PHF20: variants seen among roughly 807,000 people sequenced by gnomAD.
PHF20 encodes the protein glioma-expressed antigen 2.
PHF20 carries 23 observed loss-of-function variants against 113.5 expected under a neutral mutation model. The observed-to-expected ratio is 0.20, with a 90% CI of 0.15 to 0.29. The LOEUF (loss-of-function observed/expected upper bound fraction) is 0.29. Among genes scored for constraint, PHF20 ranks in the 10% least tolerant of loss-of-function variants. The pLI is 1.00. For missense variants in PHF20, 943 were observed against 1,219.6 expected, an observed-to-expected ratio of 0.77 and a Z score of 3.38; for synonymous variants, 434 against 457.3, an observed-to-expected ratio of 0.95 and a Z score of 0.65.
At chr20:35,834,221 G>A (rs2146924917) in intron 2 of PHF20, among the ~76,000 whole-genome samples, 1 of 151,210 alleles carries the variant, frequency 6.6e-6, no homozygotes, top group East Asian at 1.9e-4. Context: ...TGGGATATAG[G>A]CAGGCTGGTT....
intron 1 of PHF20, among the ~76,000 whole-genome samples, chr20:35,797,379 T>C (rs990012329): frequency 6.6e-6 from 1 of 151,340 alleles, no homozygotes; most frequent in Non-Finnish European, 1.5e-5. Flanking sequence ...TGGGCAGTAG[T>C]GGCATATGCC....
chr20:35,927,873 C>A lies in PHF20; in HGVS notation c.2098C>A (p.Pro700Thr). The stretch of plus-strand genomic sequence containing the variant: ...ATACACCTGTTATGTTTGCCAAGAC[C>A]CTCCAGGTAGAGATTTCTGGAGTCA... ...EKYTCYVCQD[P>T]PGQRPGFKYW... Residue 700 changes from proline (P) to threonine (T), a missense_variant, in exon 14 of 18, where the codon CCT becomes ACT. Physicochemically the swap from Pro to Thr is conservative, Grantham distance 38 (BLOSUM62 -1). Coordinates refer to ENST00000374012, the MANE Select transcript of PHF20 (RefSeq NM_016436.5). 6.2e-7 allele frequency: 1 copy of A among 1,609,768 alleles called. No individual in the cohort carries two copies. Among genetic ancestry groups the A allele is most frequent in the Non-Finnish European group, 8.5e-7 (1 of 1,176,052 alleles).
chr20:35,789,466 A>G (rs2041494361), intron 1 of PHF20, among the ~76,000 whole-genome samples: 2 of 151,980 alleles, frequency 1.3e-5, no homozygotes, highest in African/African-American at 2.4e-5. Context: ...TGTTTATACA[A>G]AGGCCCTGGA....
chr20:35,790,827 T>G (rs1396548700), intron 1 of PHF20, among the ~76,000 whole-genome samples: 1 of 152,150 alleles, frequency 6.6e-6, no homozygotes, highest in Non-Finnish European at 1.5e-5. Context: ...AATATGGTTC[T>G]GTAGGGGAGC....
Position 35,938,889 on chromosome 20 carries a change from G to C in PHF20, c.2493G>C (p.Glu831Asp). Reference protein sequence around the residue: ...PLALPLPRSVEESYITSEHCY... With the variant: ...PLALPLPRSVDESYITSEHCY... Reference sequence around the variant, plus strand: ...CCCTGCCCCTGCCGCGTTCTGTGGAGGAATCCTATATCACCAGTGAGCATT... The same window carrying C: ...CCCTGCCCCTGCCGCGTTCTGTGGACGAATCCTATATCACCAGTGAGCATT... Residue 831 changes from glutamate to aspartate, a missense_variant, in exon 16 of 18, where the codon GAG becomes GAC. Glu to Asp is a conservative substitution (Grantham distance 45, BLOSUM62 2). This residue lies in a region of PHF20 where 349 missense variants were observed against 412.3 expected (regional missense o/e 0.85). Transcript: ENST00000374012. 6.2e-7 allele frequency: 1 copy of C among 1,614,198 alleles called. No individual in the cohort carries two copies. The highest frequency in any genetic ancestry group is 8.5e-7 in the Non-Finnish European group (1 of 1,180,018).
rs6119669 is a variant in PHF20, at chr20:35,879,547, T to C, written c.1282+7718T>C. On this transcript the variant is annotated intron_variant, in intron 9 of 17. Coordinates refer to ENST00000374012, the MANE Select transcript of PHF20 (RefSeq NM_016436.5). ...CTGAACAAATTACCTACAGTAGTTT[T>C]GATTAATGACCTAAGAGCAAGCTGG... Among the ~76,000 whole-genome samples the C allele has an allele frequency of 5.8e-3, 880 of 152,232 alleles. 9 individuals carry two copies. Among genetic ancestry groups the C allele is most frequent in the African/African-American group, 0.02 (827 of 41,552 alleles).
chr20:35,796,628 A>C (rs964782441), intron 1 of PHF20, among the ~76,000 whole-genome samples: 1 of 152,190 alleles, frequency 6.6e-6, no homozygotes, highest in African/African-American at 2.4e-5. Flanking sequence ...TCTGCTTGTT[A>C]TATAATGGTG....
At chr20:35,775,600 A>G (rs2146820995) in intron 1 of PHF20, among the ~76,000 whole-genome samples, 1 of 152,060 alleles carries the variant, frequency 6.6e-6, no homozygotes, top group Non-Finnish European at 1.5e-5. Flanking sequence ...CTAAAAATAG[A>G]AAAATTACCT....
intron 9 of PHF20, among the ~76,000 whole-genome samples, chr20:35,872,394 G>A (rs2054438207): frequency 6.6e-6 from 1 of 152,000 alleles, no homozygotes; most frequent in African/African-American, 2.4e-5. Flanking sequence ...ATGGTGGCAG[G>A]CACCTGTAGT....
intron 2 of PHF20, among the ~76,000 whole-genome samples, chr20:35,830,433 G>A (rs933676749): frequency 6.6e-6 from 1 of 152,186 alleles, no homozygotes; most frequent in Non-Finnish European, 1.5e-5. Flanking sequence ...ATGTATTAGA[G>A]TTTTATTCCT....
intron 13 of PHF20, among the ~76,000 whole-genome samples, chr20:35,922,062 C>T (rs2055528178): frequency 6.6e-6 from 1 of 152,154 alleles, no homozygotes; most frequent in Non-Finnish European, 1.5e-5. Context: ...AAACTAATTT[C>T]GGGGCAATTG....
intron 6 of PHF20, among the ~76,000 whole-genome samples, chr20:35,867,911 C>T (rs773203963): frequency 1.3e-5 from 2 of 152,102 alleles, no homozygotes; most frequent in African/African-American, 2.4e-5. Context: ...TGCCTTCCTG[C>T]CCAACTTCCC....
chr20:35,876,100 A>G (rs990364269), intron 9 of PHF20, among the ~76,000 whole-genome samples: 2 of 152,212 alleles, frequency 1.3e-5, no homozygotes, highest in African/African-American at 4.8e-5. Context: ...TAAGGGAATA[A>G]TTTTGAAACC....
At chr20:35,849,328 G>C (rs752287447) in intron 4 of PHF20, 26 of 410,658 alleles carry the variant, frequency 6.3e-5, no homozygotes, top group Admixed American at 2.6e-4. Context: ...GGCAATGAAG[G>C]CTTAGTAATC....
Position 35,931,368 on chromosome 20 carries a change from A to G in PHF20, c.2224A>G (p.Thr742Ala). 1 of 1,614,026 alleles carries G rather than the reference A, an allele frequency of 6.2e-7. No individual in the cohort carries two copies. The highest frequency in any genetic ancestry group is 8.5e-7 in the Non-Finnish European group (1 of 1,180,008). Residue 742 changes from threonine to alanine, a missense_variant, in exon 15 of 18, where the codon ACC becomes GCC. Transcript: ENST00000374012. ...SHQNAKKIVATHQLLGDVQRV... is the reference protein window; with the variant it reads ...SHQNAKKIVAAHQLLGDVQRV... ...TCAGAATGCCAAGAAGATCGTGGCCACCCACCAGCTTCTTGGTGATGTGCA... is the reference window on the plus strand; with the variant it reads ...TCAGAATGCCAAGAAGATCGTGGCCGCCCACCAGCTTCTTGGTGATGTGCA...
At chr20:35,853,645 C>A (rs1243878534) in intron 4 of PHF20, among the ~76,000 whole-genome samples, 1 of 152,086 alleles carries the variant, frequency 6.6e-6, no homozygotes, top group African/African-American at 2.4e-5. Flanking sequence ...GTAGTCCCAG[C>A]CACTTGTGAG....
At chr20:35,839,537 C>T (rs761761541) in intron 2 of PHF20, among the ~76,000 whole-genome samples, 2 of 152,086 alleles carry the variant, frequency 1.3e-5, no homozygotes, top group Non-Finnish European at 2.9e-5. Flanking sequence ...TGTCCTTCTC[C>T]CCATTTTACA....
intron 15 of PHF20, 91 bp from the exon 16 acceptor site, chr20:35,938,606 C>A: frequency 7.8e-7 from 1 of 1,277,184 alleles, no homozygotes; most frequent in South Asian, 1.4e-5. Context: ...GGTGGAGCTG[C>A]TGTCCCTACT....
chr20:35,918,861 T>C (rs1568765157), intron 13 of PHF20, among the ~76,000 whole-genome samples: 4 of 152,190 alleles, frequency 2.6e-5, no homozygotes, highest in African/African-American at 4.8e-5. Context: ...CAGGGATTGT[T>C]CCCAGTAAAG....
Sources: allele counts gnomAD v4.1 joint callset (sites outside exome capture counted in the v4.1 genomes callset), GRCh38; gene constraint gnomAD v4.1.1; regional missense constraint gnomAD v4.1.1; transcripts MANE v1.5; gene names NCBI Gene and HGNC (gene_info 2026-07-23, HGNC 2026-07-21).